LTB: variants seen among roughly 807,000 people sequenced by gnomAD.
The protein encoded by LTB is lymphotoxin-beta.
LTB carries 17 observed loss-of-function variants against 14.7 expected under a neutral mutation model. The ratio of observed to expected loss-of-function variants is 1.16; its 90% CI spans 0.79 to 1.73. The LOEUF is 1.73. Among genes scored for constraint, LTB ranks in the 40% most tolerant of loss-of-function variants. The pLI is 0.00. For missense variants in LTB, 288 were observed against 324.3 expected (o/e 0.89, Z 0.86); for synonymous variants, 163 against 157.3 (o/e 1.04, Z -0.27).
chr6:31,581,717 G>C (rs1771532268), intron 2 of LTB, 87 bp from the exon 3 acceptor site: 3 of 1,597,042 alleles, frequency 1.9e-6, no homozygotes, highest in Admixed American at 3.3e-5. Flanking sequence ...GGGATGGGGA[G>C]CCTGGATTCC....
rs1480198614 is a variant in LTB, at chr6:31,580,610, C to A, written c.*99G>T. On this transcript the variant is annotated 3_prime_UTR_variant, in exon 4 of 4. Transcript: ENST00000429299. This position sits in a 1 kb window ranked among gnomAD's most constrained non-coding sequence, Gnocchi z 6.6. ...TCTTTATTTTCATCAGGTTCAAAATCAATTTCCAAACAGTCTCCTACATTT... is the reference window on the plus strand; with the variant it reads ...TCTTTATTTTCATCAGGTTCAAAATAAATTTCCAAACAGTCTCCTACATTT... 8.9e-7 allele frequency: 1 copy of A among 1,128,898 alleles called. No individual in the cohort carries two copies. Among genetic ancestry groups the A allele is most frequent in the South Asian group, 1.5e-5 (1 of 66,848 alleles). 69.9% of individuals were successfully genotyped at this position (1,128,898 alleles called of 1,614,324 possible).
intron 1 of LTB, 31 bp from the exon 2 acceptor site, chr6:31,581,890 T>A (rs1482172530): frequency 6.4e-7 from 1 of 1,557,082 alleles, no homozygotes; most frequent in Non-Finnish European, 8.7e-7. Context: ...TGCCCAGAGT[T>A]CAGATTCAGC....
chr6:31,581,748 G>A, intron 2 of LTB, 66 bp downstream of exon 2: 1 of 1,605,458 alleles, frequency 6.2e-7, no homozygotes, highest in East Asian at 2.2e-5. Flanking sequence ...GGTATCTGGG[G>A]ACGCAGCAGG....
intron 2 of LTB, 47 bp from the exon 3 acceptor site, chr6:31,581,677 T>C (rs761793331): frequency 3.8e-6 from 6 of 1,595,430 alleles, no homozygotes; most frequent in South Asian, 1.1e-5. Context: ...CAGCCACCCA[T>C]GCAGGCTACC....
At chr6:31,581,441 A>G (rs2150394132) in intron 3 of LTB, 118 bp downstream of exon 3, 2 of 988,786 alleles carry the variant, frequency 2.0e-6, no homozygotes, top group East Asian at 2.4e-5. Context: ...GAGCGACAAA[A>G]GGTCGTGAAG....
At chr6:31,581,307 T>A in intron 3 of LTB, 144 bp from the exon 4 acceptor site, 1 of 808,414 alleles carries the variant, frequency 1.2e-6, no homozygotes, top group Non-Finnish European at 1.9e-6. Flanking sequence ...TGAGTGCGAG[T>A]TGGGGGCCGA....
At position 31,581,089 on chromosome 6, in the gene LTB, A is replaced by G; in HGVS notation, c.355T>C (p.Phe119Leu). ...EQAFLTSGTQ[F>L]SDAEGLALPQ... ...AGCGCCAGCCCCTCGGCGTCCGAGA[A>G]CTGCGTCCCGCTCGTCAGAAACGCC... Residue 119 changes from phenylalanine (F) to leucine (L), a missense_variant, in exon 4 of 4, where the codon TTC becomes CTC. By Grantham distance (22) the Phe-to-Leu change is conservative (BLOSUM62 0). This residue lies in a region of LTB where 284 missense variants were observed against 299.2 expected (regional missense o/e 0.95). Coordinates refer to ENST00000429299, the MANE Select transcript of LTB (RefSeq NM_002341.2). 1 of 1,609,980 alleles carries G rather than the reference A, an allele frequency of 6.2e-7. No homozygotes were observed. Among genetic ancestry groups the G allele is most frequent in the Non-Finnish European group, 8.5e-7 (1 of 1,178,560 alleles).
Position 31,580,629 on chromosome 6 carries a change from T to C in LTB, c.*80A>G. 1.6e-6 allele frequency: 2 copies of C among 1,284,548 alleles called. No individual in the cohort carries two copies. Among genetic ancestry groups the C allele is most frequent in the Non-Finnish European group, 1.1e-6 (1 of 919,008 alleles). 79.6% of individuals were successfully genotyped at this position (1,284,548 alleles called of 1,614,324 possible). On this transcript the variant is annotated 3_prime_UTR_variant, in exon 4 of 4. Transcript: ENST00000429299. The surrounding 1 kb of genome is among the most constrained non-coding windows in gnomAD (Gnocchi z 6.6). ...CAAAATCAATTTCCAAACAGTCTCC[T>C]ACATTTTTCCCACTGCCATGGGGTC... is the stretch of plus-strand genomic sequence containing the variant.
intron 1 of LTB, 152 bp from the exon 2 acceptor site, chr6:31,582,011 T>C (rs576076186): frequency 2.7e-5 from 23 of 854,388 alleles, no homozygotes; most frequent in Admixed American, 2.2e-4. Flanking sequence ...AAGCAAGGCA[T>C]AGGTACTTGG....
chr6:31,581,255 C>G lies in LTB; in HGVS notation c.281-92G>C. The G allele has an allele frequency of 7.4e-6, 9 of 1,215,244 alleles. 1 individual carries two copies. The highest frequency in any genetic ancestry group is 1.0e-5 in the Non-Finnish European group (9 of 879,584). 75.3% of individuals were successfully genotyped at this position (1,215,244 alleles called of 1,614,324 possible). On this transcript the variant is annotated intron_variant, in intron 3 of 3. Coordinates refer to ENST00000429299, the MANE Select transcript of LTB (RefSeq NM_002341.2). ...TGGCGGCTTTTAGCCCCTGCGGGAG[C>G]CGAGCCGGGCCGGGGGAGGAGGGAT...
Position 31,581,560 on chromosome 6 carries a change from T to C in LTB, c.279A>G (p.Ile93Met), listed in dbSNP as rs1771510908. 6.2e-7 allele frequency: 1 copy of C among 1,612,700 alleles called. No individual in the cohort carries two copies. Among genetic ancestry groups the C allele is most frequent in the Admixed American group, 1.7e-5 (1 of 59,992 alleles). Residue 93 changes from isoleucine (I) to methionine (M), a missense_variant and splice_region_variant, in exon 3 of 4, where the codon ATA becomes ATG. By Grantham distance (10) the Ile-to-Met change is conservative. Transcript: ENST00000429299. ...TATTCAGGTCTTGGAGGTCCTTACC[T>C]ATGAGGTGGGCAGCTGGGAGCCCGG... ...LSPGLPAAHL[I>M]GAPLKGQGLG...
At chr6:31,582,188 G>A in intron 1 of LTB, 68 bp downstream of exon 1, 1 of 1,583,510 alleles carries the variant, frequency 6.3e-7, no homozygotes, top group Non-Finnish European at 8.6e-7. Flanking sequence ...AAGACCACAG[G>A]CACAACCAGA....
Position 31,580,835 on chromosome 6 carries a change from C to T in LTB, c.609G>A (p.Thr203=), listed in dbSNP as rs1583054917. 1.9e-6 allele frequency: 3 copies of T among 1,612,314 alleles called. No individual in the cohort carries two copies. The highest frequency in any genetic ancestry group is 2.5e-6 in the Non-Finnish European group (3 of 1,179,716). Reference sequence around the variant, plus strand: ...GCACCAGGCCGCCGAACCCCACGCTCGTGTACCAGAGAGGCCCGTACCCTT... The same window carrying T: ...GCACCAGGCCGCCGAACCCCACGCTTGTGTACCAGAGAGGCCCGTACCCTT... ...RRQGYGPLWY[T]SVGFGGLVQL... is the part of the protein sequence containing the mutation. The change falls in exon 4 of 4, where the codon ACG becomes ACA. Residue 203 remains threonine (T), a synonymous_variant. Transcript: ENST00000429299. The surrounding 1 kb of genome is among the most constrained non-coding windows in gnomAD (Gnocchi z 6.6).
intron 1 of LTB, 174 bp from the exon 2 acceptor site, chr6:31,582,033 G>C (rs145800710): frequency 5.1e-6 from 4 of 776,810 alleles, no homozygotes; most frequent in Admixed American, 5.6e-5. Flanking sequence ...CGGAGAAACA[G>C]ATGTACCTCG....
In LTB at chr6:31,582,277, C is replaced by T; in HGVS notation, c.141G>A (p.Val47=). Residue 47 remains valine, a synonymous_variant, in exon 1 of 4, where the codon GTG becomes GTA. Coordinates refer to ENST00000429299, the MANE Select transcript of LTB (RefSeq NM_002341.2). ...TCACCAGTCCTCCCTGATCCTGGGG[C>T]ACTAAGGCCAGCACAGCCAGGACAG... ...PITVLAVLAL[V]PQDQGGLVTE... 6.2e-7 allele frequency: 1 copy of T among 1,613,034 alleles called. No individual in the cohort carries two copies. The highest frequency in any genetic ancestry group is 8.5e-7 in the Non-Finnish European group (1 of 1,179,996).
At position 31,580,927 on chromosome 6, in the gene LTB, C is replaced by T; in HGVS notation, c.517G>A (p.Gly173Ser). Reference sequence around the variant, plus strand: ...CCCTCGAGCAGCAGCTCGGGAGTGCCCGGCCCGTAGGCGCCCCCCGCCCGG... The same window carrying T: ...CCCTCGAGCAGCAGCTCGGGAGTGCTCGGCCCGTAGGCGCCCCCCGCCCGG... The part of the protein sequence containing the change: ...LYRAGGAYGP[G>S]TPELLLEGAE... The change falls in exon 4 of 4, where the codon GGC becomes AGC. Residue 173 changes from glycine (G) to serine (S), a missense_variant. Around this residue, in one of 2 missense-constraint regions of LTB, gnomAD observed 284 missense variants for 299.2 expected, o/e 0.95. Transcript: ENST00000429299. The surrounding 1 kb of genome is among the most constrained non-coding windows in gnomAD (Gnocchi z 6.6). 6.3e-7 allele frequency: 1 copy of T among 1,583,828 alleles called. No individual in the cohort carries two copies. The highest frequency in any genetic ancestry group is 2.3e-5 in the East Asian group (1 of 42,782).
chr6:31,581,468 C>T (rs1334211809), intron 3 of LTB, 91 bp downstream of exon 3: 1 of 1,220,786 alleles, frequency 8.2e-7, no homozygotes, highest in East Asian at 2.3e-5. Flanking sequence ...GGAAACCGAG[C>T]ACTGGAATCA....
At position 31,582,393 on chromosome 6, in the gene LTB, T is replaced by TG. The variant is rs754199753; in HGVS notation, c.24dup (p.Arg9GlnfsTer?). The TG allele has an allele frequency of 6.7e-7, 1 of 1,500,466 alleles. No individual in the cohort carries two copies. The highest frequency in any genetic ancestry group is 2.5e-5 in the East Asian group (1 of 39,550). 92.9% of individuals were successfully genotyped at this position (1,500,466 alleles called of 1,614,324 possible). On this transcript the variant is annotated frameshift_variant, in exon 1 of 4. Coordinates refer to ENST00000429299, the MANE Select transcript of LTB (RefSeq NM_002341.2). LOFTEE classifies it high-confidence loss of function. ...CCCCTCCCCTGGAGCCTCCCACCCC[T>TG]GCCCTCCAGCCCCAGTGCCCCCATT...
In LTB at chr6:31,582,305, A is replaced by C. The variant is rs1222524241; in HGVS notation, c.113T>G (p.Ile38Ser). The C allele has an allele frequency of 6.2e-7, 1 of 1,613,042 alleles. No individual in the cohort carries two copies. ...SLVTLLLAVP[I>S]TVLAVLALVP... ...TAAGGCCAGCACAGCCAGGACAGTG[A>C]TAGGCACCGCCAGCAACAAGGTCAC... The change falls in exon 1 of 4, where the codon ATC becomes AGC. Residue 38 changes from isoleucine (I) to serine (S), a missense_variant. Physicochemically the swap from Ile to Ser is moderately radical, Grantham distance 142 (BLOSUM62 -2). This residue lies in a region of LTB where 284 missense variants were observed against 299.2 expected (regional missense o/e 0.95). Coordinates refer to ENST00000429299, the MANE Select transcript of LTB (RefSeq NM_002341.2).
Sources: gnomAD v4.1 joint callset for allele counts on GRCh38, gnomAD v4.1.1 for gene constraint, gnomAD v4.1.1 regional missense constraint, Gnocchi (gnomAD v3.1) non-coding constraint, MANE v1.5 for transcripts, NCBI Gene and HGNC (gene_info 2026-07-23, HGNC 2026-07-21) for gene names.